DSCAM: variants seen among roughly 807,000 people sequenced by gnomAD.
The protein encoded by DSCAM is cell adhesion molecule DSCAM.
A neutral mutation model predicts 217.7 loss-of-function variants in DSCAM; 47 were observed. That is an observed-to-expected ratio of 0.22 (90% CI 0.17 to 0.28). The LOEUF (loss-of-function observed/expected upper bound fraction) is 0.28. DSCAM is among the 10% of genes least tolerant of loss of function. DSCAM has a pLI of 1.00. For synonymous variants in DSCAM, 1,056 were observed against 1,015.3 expected (o/e 1.04, Z -0.76); for missense variants, 2,080 against 2,618.3 (o/e 0.79, Z 4.49).
intron 20 of DSCAM, among the ~76,000 whole-genome samples, chr21:40,114,566 A>G (rs1601344768): frequency 6.6e-6 from 1 of 152,152 alleles, no homozygotes; most frequent in East Asian, 1.9e-4. Flanking sequence ...GACAAATGGG[A>G]TCTAATTAAA....
rs1555886121 is a variant in DSCAM at position 40,175,815 on chromosome 21, A to ACACACGCACG, written c.2947+3111_2947+3112insCGTGCGTGTG. 5.9e-4 allele frequency among the ~76,000 whole-genome samples: 89 copies of ACACACGCACG among 149,764 alleles called. 1 individual carries two copies. Among genetic ancestry groups the ACACACGCACG allele is most frequent in the African/African-American group, 1.3e-3 (51 of 40,732 alleles). On this transcript the variant is annotated intron_variant, in intron 15 of 32. Transcript: ENST00000400454. ...CACACACACACACACACACGCACAC[A>ACACACGCACG]CACACACACGCACACACACATACTC...
intron 1 of DSCAM, among the ~76,000 whole-genome samples, chr21:40,749,833 C>T (rs979867719): frequency 6.6e-6 from 1 of 152,138 alleles, no homozygotes. Context: ...AAATGTGCAC[C>T]TACAGAGGAA....
chr21:40,198,357 G>A (rs55748941), intron 11 of DSCAM, among the ~76,000 whole-genome samples: 17,852 of 151,966 alleles, frequency 0.12, 2,883 homozygotes, highest in African/African-American at 0.37. Context: ...GGCTGGTCAA[G>A]TGCTGACCCT....
chr21:40,603,678 A>C (rs74861568), intron 3 of DSCAM, among the ~76,000 whole-genome samples: 1 of 152,116 alleles, frequency 6.6e-6, no homozygotes, highest in Non-Finnish European at 1.5e-5. Context: ...AAGAAACATT[A>C]TGTAGACAGA....
intron 4 of DSCAM, among the ~76,000 whole-genome samples, chr21:40,363,563 T>C (rs1389753902): frequency 6.6e-6 from 1 of 152,142 alleles, no homozygotes; most frequent in African/African-American, 2.4e-5. Context: ...CAAATACCAA[T>C]AGTTTCTATT....
At chr21:40,465,935 T>G (rs540426662) in intron 3 of DSCAM, among the ~76,000 whole-genome samples, 1 of 152,316 alleles carries the variant, frequency 6.6e-6, no homozygotes, top group East Asian at 1.9e-4. Context: ...TCTGTTTGTT[T>G]TTGAAGGCAT....
chr21:40,199,821 C>A (rs532900491), intron 11 of DSCAM, among the ~76,000 whole-genome samples: 34 of 152,068 alleles, frequency 2.2e-4, no homozygotes, highest in African/African-American at 7.7e-4. Flanking sequence ...ATATCTAATG[C>A]ATGCAGGGCT....
At position 40,070,394 on chromosome 21, in the gene DSCAM, GGAAAAGAAAA is replaced by G. The variant is rs140043150; in HGVS notation, c.4888+4633_4888+4642del. ...GAAGGAGAGAAAAGCAAGGAAGGAAGGAAAAGAAAAGAAAAGAAAAGAAAAAGAAAGAGAA... is the reference window on the plus strand; with the variant it reads ...GAAGGAGAGAAAAGCAAGGAAGGAAGGAAAAGAAAAGAAAAAGAAAGAGAA... On this transcript the variant is annotated intron_variant, in intron 27 of 32. Transcript: ENST00000400454. 7.1e-3 allele frequency among the ~76,000 whole-genome samples: 1,029 copies of G among 144,188 alleles called. 13 individuals carry two copies. Among genetic ancestry groups the G allele is most frequent in the African/African-American group, 0.025 (947 of 37,812 alleles). The allele number at this position is 144,188 out of a possible 152,430, so 94.6% of individuals were successfully genotyped here. A position where few individuals can be genotyped will look rare whatever the true frequency, so the allele number is the denominator to read the frequency against.
chr21:40,376,160 TA>T (rs1485991857), intron 3 of DSCAM, among the ~76,000 whole-genome samples: 1 of 152,174 alleles, frequency 6.6e-6, no homozygotes, highest in Admixed American at 6.5e-5. Flanking sequence ...ATGGCTCTGC[TA>T]ATAAGATGTT....
chr21:40,683,150 C>A (rs1343573229), intron 3 of DSCAM, among the ~76,000 whole-genome samples: 1 of 152,140 alleles, frequency 6.6e-6, no homozygotes, highest in Non-Finnish European at 1.5e-5. Flanking sequence ...GTTGTTTAAG[C>A]CACCCAGTGT....
At chr21:40,400,582 T>C (rs1051976728) in intron 3 of DSCAM, among the ~76,000 whole-genome samples, 2 of 152,208 alleles carry the variant, frequency 1.3e-5, no homozygotes, top group Non-Finnish European at 2.9e-5. Context: ...ACCCAGCTAA[T>C]TTAAAAACTT....
At chr21:40,516,763 T>C (rs2076302848) in intron 3 of DSCAM, among the ~76,000 whole-genome samples, 1 of 151,942 alleles carries the variant, frequency 6.6e-6, no homozygotes, top group Non-Finnish European at 1.5e-5. Context: ...AGTGCCCCAG[T>C]GTGGGAGAAA....
chr21:40,127,119 T>C (rs1301777624), intron 19 of DSCAM, among the ~76,000 whole-genome samples: 1 of 152,228 alleles, frequency 6.6e-6, no homozygotes. Context: ...CTGGCTTATG[T>C]TTTTACTGTT....
At chr21:40,451,102 T>C (rs1463437173) in intron 3 of DSCAM, among the ~76,000 whole-genome samples, 1 of 152,184 alleles carries the variant, frequency 6.6e-6, no homozygotes, top group Non-Finnish European at 1.5e-5. Context: ...TCCGAGATGC[T>C]TTGCAAGTCA....
At chr21:40,531,253 G>T (rs1249331113) in intron 3 of DSCAM, among the ~76,000 whole-genome samples, 1 of 152,114 alleles carries the variant, frequency 6.6e-6, no homozygotes, top group Non-Finnish European at 1.5e-5. Flanking sequence ...TCTCCCCAAG[G>T]CTGCTGCCGG....
intron 3 of DSCAM, among the ~76,000 whole-genome samples, chr21:40,433,729 T>A (rs1322029279): frequency 6.6e-6 from 1 of 152,150 alleles, no homozygotes; most frequent in Non-Finnish European, 1.5e-5. Context: ...AGGTAGATGA[T>A]ATCACCTGAA....
chr21:40,469,228 T>C (rs920180676), intron 3 of DSCAM, among the ~76,000 whole-genome samples: 4 of 152,212 alleles, frequency 2.6e-5, no homozygotes, highest in East Asian at 1.9e-4. Flanking sequence ...TCCAAACTTA[T>C]ATTCTTTTTG....
At chr21:40,432,450 C>T (rs73217015) in intron 3 of DSCAM, among the ~76,000 whole-genome samples, 31,804 of 151,992 alleles carry the variant, frequency 0.21, 3,338 homozygotes, top group Middle Eastern at 0.27. Flanking sequence ...TATGAGGACC[C>T]TTGGGGTTAC....
At chr21:40,213,109 T>C (rs548051346) in intron 11 of DSCAM, among the ~76,000 whole-genome samples, 1 of 152,368 alleles carries the variant, frequency 6.6e-6, no homozygotes, top group South Asian at 2.1e-4. Context: ...TCATTTTGCA[T>C]GGCAGACCTA....
Sources: gnomAD v4.1 joint callset for allele counts (sites outside exome capture counted in the v4.1 genomes callset) on GRCh38, gnomAD v4.1.1 for gene constraint, MANE v1.5 for transcripts, NCBI Gene and HGNC (gene_info 2026-07-23, HGNC 2026-07-21) for gene names.